PP2D1: variants seen among roughly 807,000 people sequenced by gnomAD.
PP2D1 encodes the protein protein phosphatase 2C-like domain-containing protein 1.
A neutral mutation model predicts 30.2 loss-of-function variants in PP2D1; 25 were observed. That is an observed-to-expected ratio of 0.83 (90% CI 0.60 to 1.16). The LOEUF (loss-of-function observed/expected upper bound fraction) is 1.16, where lower values mean the gene tolerates loss of function less well. Among genes scored for constraint, PP2D1 ranks in the 50% most tolerant of loss-of-function variants. PP2D1 has a pLI of 0.00. For synonymous variants in PP2D1, 260 were observed against 258.9 expected (o/e 1.00, Z -0.04); for missense variants, 760 against 742.4 (o/e 1.02, Z -0.28).
downstream of PP2D1, among the ~76,000 whole-genome samples, chr3:19,981,836 T>A (rs757118582): frequency 5.3e-5 from 8 of 152,116 alleles, no homozygotes; most frequent in Non-Finnish European, 1.2e-4. Flanking sequence ...GCCACACTCA[T>A]CGGACTCAAA....
chr3:20,010,898 G>A (rs1697377207), intron 1 of PP2D1, among the ~76,000 whole-genome samples: 1 of 152,178 alleles, frequency 6.6e-6, no homozygotes, highest in Non-Finnish European at 1.5e-5. Context: ...GATGGATGAG[G>A]ATGCACCCTG....
At chr3:19,981,082 G>A (rs992807689), downstream of PP2D1, among the ~76,000 whole-genome samples, 5 of 152,138 alleles carry the variant, frequency 3.3e-5, no homozygotes, top group African/African-American at 7.2e-5. Context: ...AGATCAGTGT[G>A]TGCAGCCACT....
intron 2 of PP2D1, among the ~76,000 whole-genome samples, chr3:19,988,649 A>G (rs1697075029): frequency 6.6e-6 from 1 of 152,122 alleles, no homozygotes; most frequent in Non-Finnish European, 1.5e-5. Flanking sequence ...GAAAATCACT[A>G]ATAAAAACTT....
intron 2 of PP2D1, among the ~76,000 whole-genome samples, chr3:19,992,218 A>G (rs1697127284): frequency 6.6e-6 from 1 of 152,184 alleles, no homozygotes; most frequent in Admixed American, 6.5e-5. Flanking sequence ...ATTCATGTCC[A>G]TTGTTCATTG....
Position 19,999,467 on chromosome 3 carries a change from C to T in PP2D1, c.1090+1563G>A, listed in dbSNP as rs1174179300. On this transcript the variant is annotated intron_variant, in intron 2 of 2. Coordinates refer to ENST00000389050, the MANE Select transcript of PP2D1 (RefSeq NM_001252657.2). ...TGTGATCTCAGCTCACTGCAACCTC[C>T]GCCTCTCAGGCTCAAGCGATTCTCC... 5.3e-5 allele frequency among the ~76,000 whole-genome samples: 8 copies of T among 151,990 alleles called. No individual in the cohort carries two copies. In the East Asian group the frequency reaches 1.2e-3, roughly 22 times the overall value.
downstream of PP2D1, chr3:19,985,315 A>G: frequency 1.8e-6 from 2 of 1,123,066 alleles, no homozygotes; most frequent in Non-Finnish European, 2.5e-6. Flanking sequence ...GAATCATCCT[A>G]ATAGCTGGAT....
chr3:19,985,571 T>G lies in PP2D1; in HGVS notation c.1702A>C (p.Thr568Pro). The G allele has an allele frequency of 6.5e-7, 1 of 1,536,086 alleles. No individual in the cohort carries two copies. Among genetic ancestry groups the G allele is most frequent in the Non-Finnish European group, 8.7e-7 (1 of 1,146,870 alleles). The stretch of plus-strand genomic sequence containing the variant: ...TCATTTACACTAGTTGGTCTGTCAG[T>G]TACTTTTTCACTGCAAGGTTTACGA... Reference protein sequence around the residue: ...THRKPCSEKVTDRPTSVNDVA... With the variant: ...THRKPCSEKVPDRPTSVNDVA... Residue 568 changes from threonine to proline, a missense_variant, in exon 3 of 3, where the codon ACT becomes CCT. Physicochemically the swap from Thr to Pro is conservative, Grantham distance 38 (BLOSUM62 -1). Around this residue, in one of 3 missense-constraint regions of PP2D1, gnomAD observed 369 missense variants for 316.2 expected, o/e 1.17. Transcript: ENST00000389050.
chr3:19,989,152 G>A (rs1697082292), intron 2 of PP2D1, among the ~76,000 whole-genome samples: 1 of 152,020 alleles, frequency 6.6e-6, no homozygotes, highest in South Asian at 2.1e-4. Context: ...TGGCCAACAT[G>A]GCGAAACTCT....
At chr3:19,984,450 AC>A (rs1696994343), downstream of PP2D1, 1 of 225,758 alleles carries the variant, frequency 4.4e-6, no homozygotes, top group Admixed American at 6.0e-5. Flanking sequence ...ATCAAATGCA[AC>A]CCCATCTTGT....
At chr3:19,984,590 A>C (rs1445087709), downstream of PP2D1, 1 of 166,458 alleles carries the variant, frequency 6.0e-6, no homozygotes, top group Non-Finnish European at 1.3e-5. Flanking sequence ...TGGCCATTAC[A>C]CAGGTTTTGT....
rs184664251 is a variant in PP2D1, at chr3:19,995,498, C to G, written c.1090+5532G>C. Among the ~76,000 whole-genome samples the G allele has an allele frequency of 1.7e-3, 253 of 152,304 alleles. 2 individuals carry two copies. The highest frequency in any genetic ancestry group is 5.8e-3 in the African/African-American group (240 of 41,562). On this transcript the variant is annotated intron_variant, in intron 2 of 2. Coordinates refer to ENST00000389050, the MANE Select transcript of PP2D1 (RefSeq NM_001252657.2). ...GCCCTGTGAACACCTTGACTTCAGG[C>G]ATCTGGCCTCCTGAAGCATGAGAGA... is the stretch of plus-strand genomic sequence containing the variant.
intron 2 of PP2D1, 29 bp downstream of exon 2, chr3:20,001,001 T>G: frequency 1.7e-6 from 2 of 1,210,660 alleles, no homozygotes; most frequent in East Asian, 2.8e-5. Context: ...AACATAAAGG[T>G]GTTATTTGGT....
intron 1 of PP2D1, among the ~76,000 whole-genome samples, chr3:20,010,573 A>G (rs1697372524): frequency 6.6e-6 from 1 of 151,708 alleles, no homozygotes; most frequent in South Asian, 2.1e-4. Flanking sequence ...AGGCCGAGGC[A>G]GGCGGATCAC....
intron 1 of PP2D1, among the ~76,000 whole-genome samples, chr3:20,009,365 C>T (rs1442952914): frequency 2.0e-5 from 3 of 151,894 alleles, no homozygotes; most frequent in Non-Finnish European, 2.9e-5. Context: ...GGAGAATGAG[C>T]GGGGAGAATT....
intron 2 of PP2D1, among the ~76,000 whole-genome samples, chr3:19,995,866 A>G (rs1697173924): frequency 6.6e-6 from 1 of 152,218 alleles, no homozygotes; most frequent in African/African-American, 2.4e-5. Flanking sequence ...GCTCCTCAAC[A>G]ATCATAGGGT....
At chr3:19,987,658 G>A (rs538149689) in intron 2 of PP2D1, among the ~76,000 whole-genome samples, 2 of 152,104 alleles carry the variant, frequency 1.3e-5, no homozygotes, top group African/African-American at 4.8e-5. Context: ...ACCTGTAATC[G>A]CCACTCTTTG....
rs1697261263 is a variant in PP2D1, at chr3:20,001,969, G to A, written c.151C>T (p.Arg51Cys). 32 of 1,536,222 alleles carry A rather than the reference G, an allele frequency of 2.1e-5. No individual in the cohort carries two copies. The highest frequency in any genetic ancestry group is 2.7e-5 in the African/African-American group (2 of 73,144). ...TCATAGACCTGCTCCTCTTCATGGCGTTTGGTGTGTCTCACTGGTCTTGAC... is the reference window on the plus strand; with the variant it reads ...TCATAGACCTGCTCCTCTTCATGGCATTTGGTGTGTCTCACTGGTCTTGAC... ...KKSRPVRHTK[R>C]HEEEQVYEQG... Residue 51 changes from arginine (R) to cysteine (C), a missense_variant, in exon 2 of 3, where the codon CGC (arginine) becomes TGC (cysteine). This residue lies in a region of PP2D1 where 374 missense variants were observed against 388.8 expected (regional missense o/e 0.96). Transcript: ENST00000389050.
At chr3:19,983,786 C>A, downstream of PP2D1, 1 of 1,611,492 alleles carries the variant, frequency 6.2e-7, no homozygotes, top group South Asian at 1.1e-5. Context: ...CTTACCGAAC[C>A]CACACAACCA....
intron 2 of PP2D1, among the ~76,000 whole-genome samples, chr3:19,988,490 C>G (rs1423246583): frequency 6.6e-6 from 1 of 152,176 alleles, no homozygotes; most frequent in South Asian, 2.1e-4. Flanking sequence ...TTATCAATGA[C>G]AATGCATGCC....
Sources: gnomAD v4.1 joint callset for allele counts (sites outside exome capture counted in the v4.1 genomes callset) on GRCh38, gnomAD v4.1.1 for gene constraint, gnomAD v4.1.1 regional missense constraint, MANE v1.5 for transcripts, NCBI Gene and HGNC (gene_info 2026-07-23, HGNC 2026-07-21) for gene names.